PTPRT: variants seen among roughly 807,000 people sequenced by gnomAD.
The protein encoded by PTPRT is receptor-type tyrosine-protein phosphatase T.
Under a neutral mutation model 176.8 loss-of-function variants are expected in PTPRT, and 56 were observed. The observed-to-expected ratio is 0.32, with a 90% CI of 0.26 to 0.40. The LOEUF is 0.40. PTPRT is among the 10% of genes least tolerant of loss of function. The pLI, the probability that PTPRT is intolerant of heterozygous loss-of-function variation, is 1.00. For synonymous variants in PTPRT, 783 were observed against 739.0 expected, an observed-to-expected ratio of 1.06 and a Z score of -0.96; for missense variants, 1,540 against 1,908.2, an observed-to-expected ratio of 0.81 and a Z score of 3.60.
chr20:42,634,602 T>A (rs940097116), intron 7 of PTPRT, among the ~76,000 whole-genome samples: 3 of 152,052 alleles, frequency 2.0e-5, no homozygotes, highest in African/African-American at 7.2e-5. Context: ...ATTTTAAAAT[T>A]AATCAAGGAT....
chr20:42,670,178 T>G (rs1600581364), intron 7 of PTPRT, among the ~76,000 whole-genome samples: 1 of 152,240 alleles, frequency 6.6e-6, no homozygotes, highest in South Asian at 2.1e-4. Context: ...GAAATCAGGT[T>G]CTGACATCCT....
intron 6 of PTPRT, among the ~76,000 whole-genome samples, chr20:42,705,833 T>C (rs2076046063): frequency 6.6e-6 from 1 of 152,162 alleles, no homozygotes; most frequent in African/African-American, 2.4e-5. Flanking sequence ...GGAATAACTG[T>C]AGTTGTCTGT....
intron 6 of PTPRT, among the ~76,000 whole-genome samples, chr20:42,749,903 G>C (rs940975741): frequency 6.6e-6 from 1 of 152,174 alleles, no homozygotes; most frequent in Admixed American, 6.5e-5. Context: ...AGCAGTCAAC[G>C]GTGGAACGTG....
chr20:42,308,371 C>T (rs2057576917), intron 12 of PTPRT, among the ~76,000 whole-genome samples: 1 of 152,030 alleles, frequency 6.6e-6, no homozygotes, highest in Non-Finnish European at 1.5e-5. Context: ...GGAATACAGC[C>T]TGGGGTGAGT....
intron 15 of PTPRT, among the ~76,000 whole-genome samples, chr20:42,202,441 C>T (rs1296101158): frequency 6.6e-6 from 1 of 152,106 alleles, no homozygotes; most frequent in Non-Finnish European, 1.5e-5. Context: ...CACTGTTCTA[C>T]CAGTAAAATG....
At chr20:42,756,319 T>C (rs2076831605) in intron 6 of PTPRT, 143 bp downstream of exon 6, 1 of 843,178 alleles carries the variant, frequency 1.2e-6, no homozygotes, top group Non-Finnish European at 1.7e-6. Context: ...GGAGTTTGTG[T>C]TGGGGAGGGA....
chr20:42,345,145 GCAGT>G lies in PTPRT; in HGVS notation c.1865+5479_1865+5482del, dbSNP rs577240748. Among the ~76,000 whole-genome samples the G allele has an allele frequency of 4.3e-3, 647 of 151,836 alleles. 2 individuals carry two copies. Among genetic ancestry groups the G allele is most frequent in the Non-Finnish European group, 7.1e-3 (485 of 67,936 alleles). On this transcript the variant is annotated intron_variant, in intron 11 of 30. Transcript: ENST00000373187. ...CTGTAGACCTTTACCATCCAAAATGGCAGTCAGTAGCCACATATGGCTCCTGAAA... is the reference window on the plus strand; with the variant it reads ...CTGTAGACCTTTACCATCCAAAATGGCAGTAGCCACATATGGCTCCTGAAA...
intron 7 of PTPRT, among the ~76,000 whole-genome samples, chr20:42,546,263 A>C (rs1269748822): frequency 6.6e-6 from 1 of 152,160 alleles, no homozygotes; most frequent in African/African-American, 2.4e-5. Context: ...TTTATACACA[A>C]AAAAGGGGGG....
rs138330064 is a variant in PTPRT at position 42,185,633 on chromosome 20, G to A, written c.2491+13607C>T. 5.9e-3 allele frequency among the ~76,000 whole-genome samples: 899 copies of A among 152,238 alleles called. 2 individuals carry two copies. Among genetic ancestry groups the A allele is most frequent in the Non-Finnish European group, 9.9e-3 (672 of 68,010 alleles). The stretch of plus-strand genomic sequence containing the variant: ...TATCCACCTTTATTCAATTCTGAAC[G>A]CTGAAAACAGGACAATAGTGTGTGA... On this transcript the variant is annotated intron_variant, in intron 16 of 30. Coordinates refer to ENST00000373187, the MANE Select transcript of PTPRT (RefSeq NM_007050.6).
At chr20:43,165,146 A>G (rs896093650) in intron 1 of PTPRT, among the ~76,000 whole-genome samples, 39 of 148,788 alleles carry the variant, frequency 2.6e-4, no homozygotes, top group African/African-American at 9.1e-4. Flanking sequence ...AGGCCAGTTC[A>G]TCTGCACATA....
intron 9 of PTPRT, among the ~76,000 whole-genome samples, chr20:42,379,630 T>A (rs2058681287): frequency 6.6e-6 from 1 of 152,252 alleles, no homozygotes; most frequent in Non-Finnish European, 1.5e-5. Context: ...AGGTACCTCC[T>A]TTCTCGGCCT....
At position 42,472,393 on chromosome 20, in the gene PTPRT, G is replaced by A. The variant is rs752292276; in HGVS notation, c.1323C>T (p.Ile441=). Residue 441 remains isoleucine (I), a synonymous_variant, in exon 8 of 31, where the codon ATC becomes ATT. Transcript: ENST00000373187. ...GCAGGGTGTAGTGGGAGGAGGTCTG[G>A]ATGACCTCCTCGGCCTCGTACTGCT... is the stretch of plus-strand genomic sequence containing the variant. The part of the protein sequence containing the change: ...NQQQYEAEEV[I]QTSSHYTLRG... The A allele has an allele frequency of 1.9e-6, 3 of 1,614,140 alleles. No individual in the cohort carries two copies. The highest frequency in any genetic ancestry group is 2.2e-5 in the East Asian group (1 of 44,870).
At chr20:43,056,370 G>C (rs545853635) in intron 1 of PTPRT, among the ~76,000 whole-genome samples, 12 of 152,234 alleles carry the variant, frequency 7.9e-5, no homozygotes, top group African/African-American at 2.9e-4. Context: ...GGGTATGAAA[G>C]TGCTGTATGA....
At chr20:42,193,729 T>A (rs2146650507) in intron 16 of PTPRT, among the ~76,000 whole-genome samples, 1 of 152,328 alleles carries the variant, frequency 6.6e-6, no homozygotes, top group South Asian at 2.1e-4. Context: ...GGGCATTTTC[T>A]ACTAGAAATC....
At chr20:43,176,809 T>C (rs2015133515) in intron 1 of PTPRT, among the ~76,000 whole-genome samples, 1 of 152,164 alleles carries the variant, frequency 6.6e-6, no homozygotes, top group Non-Finnish European at 1.5e-5. Context: ...GCCCAGATTA[T>C]TAGTATGAGG....
the PTPRT span, among the ~76,000 whole-genome samples, chr20:42,050,002 A>G: frequency 3.3e-5 from 5 of 152,236 alleles, no homozygotes; most frequent in African/African-American, 1.2e-4. Context: ...TGAGCATACC[A>G]TCAGCATACC....
At chr20:42,193,671 T>C (rs1395750142) in intron 16 of PTPRT, among the ~76,000 whole-genome samples, 1 of 152,238 alleles carries the variant, frequency 6.6e-6, no homozygotes, top group Non-Finnish European at 1.5e-5. Context: ...ATATAAAGCA[T>C]AAGTTTTAGC....
At chr20:42,411,626 C>T (rs1452103961) in intron 9 of PTPRT, among the ~76,000 whole-genome samples, 2 of 151,260 alleles carry the variant, frequency 1.3e-5, no homozygotes, top group South Asian at 2.1e-4. Flanking sequence ...TCGTTAGCAT[C>T]GAGAATACAA....
intron 12 of PTPRT, among the ~76,000 whole-genome samples, chr20:42,313,612 AACC>A (rs1295916814): frequency 6.6e-6 from 1 of 152,198 alleles, no homozygotes; most frequent in African/African-American, 2.4e-5. Context: ...ATGGAAACCC[AACC>A]ACAACTTTTG....
Sources: allele counts gnomAD v4.1 joint callset (sites outside exome capture counted in the v4.1 genomes callset), GRCh38; gene constraint gnomAD v4.1.1; transcripts MANE v1.5; gene names NCBI Gene and HGNC (gene_info 2026-07-23, HGNC 2026-07-21).